The following GRID2 variants were observed in gnomAD, a reference collection of about 807,000 sequenced individuals.
GRID2 encodes glutamate receptor ionotropic, delta-2.
A neutral mutation model predicts 114.8 loss-of-function variants in GRID2; 33 were observed. That is an observed-to-expected ratio of 0.29 (90% CI 0.22 to 0.38). The LOEUF is 0.38. Ranked by LOEUF, GRID2 falls within the 10% of genes least tolerant of loss-of-function variation. The pLI, the probability that GRID2 is intolerant of heterozygous loss-of-function variation, is 1.00. For missense variants in GRID2, 1,184 were observed against 1,257.7 expected, an observed-to-expected ratio of 0.94 and a Z score of 0.89; for synonymous variants, 505 against 449.9, an observed-to-expected ratio of 1.12 and a Z score of -1.55.
At chr4:93,566,119 G>A (rs540924710) in intron 13 of GRID2, among the ~76,000 whole-genome samples, 2 of 152,186 alleles carry the variant, frequency 1.3e-5, no homozygotes, top group African/African-American at 2.4e-5. Context: ...TGGCACAAGC[G>A]AAGAACCCAA....
chr4:93,058,276 A>C (rs1727451376), intron 2 of GRID2, among the ~76,000 whole-genome samples: 1 of 152,018 alleles, frequency 6.6e-6, no homozygotes, highest in South Asian at 2.1e-4. Context: ...AATTTTTCTG[A>C]ATATTTGCTG....
chr4:92,305,811 T>C (rs561816748), intron 1 of GRID2, among the ~76,000 whole-genome samples: 40 of 152,328 alleles, frequency 2.6e-4, no homozygotes, highest in African/African-American at 9.1e-4. Context: ...CTTGCAGCCT[T>C]TTCTGCGTTA....
intron 12 of GRID2, among the ~76,000 whole-genome samples, chr4:93,505,072 A>G (rs1380243058): frequency 6.6e-6 from 1 of 152,052 alleles, no homozygotes; most frequent in Non-Finnish European, 1.5e-5. Context: ...TTTCCAAGTC[A>G]CTGAAGTATC....
At chr4:92,664,625 T>C (rs547727188) in intron 2 of GRID2, among the ~76,000 whole-genome samples, 2 of 151,206 alleles carry the variant, frequency 1.3e-5, no homozygotes, top group South Asian at 2.1e-4. Context: ...CTCTTCATTA[T>C]TAAGAATGAG....
intron 2 of GRID2, among the ~76,000 whole-genome samples, chr4:93,001,854 C>G (rs1721021339): frequency 1.3e-5 from 2 of 151,640 alleles, no homozygotes; most frequent in South Asian, 2.1e-4. Context: ...TAGTGAATGG[C>G]ATGTCTGTCT....
chr4:93,123,281 T>A (rs1733964429), intron 4 of GRID2, among the ~76,000 whole-genome samples: 1 of 152,180 alleles, frequency 6.6e-6, no homozygotes, highest in Admixed American at 6.5e-5. Flanking sequence ...CAATCATTTT[T>A]ATTCCATTCC....
rs568314154 is a variant in GRID2 at position 93,323,400 on chromosome 4, G to A, written c.1246-72207G>A. 2.5e-3 allele frequency among the ~76,000 whole-genome samples: 384 copies of A among 152,122 alleles called. 1 individual carries two copies. The highest frequency in any genetic ancestry group is 3.5e-3 in the Non-Finnish European group (236 of 67,994). On this transcript the variant is annotated intron_variant, in intron 8 of 15. Transcript: ENST00000282020. ...CTGAGGGCTCTGTTCTGTTCCATTG[G>A]TCTATATCTCTGTTTTGGTACCAGT... is the stretch of plus-strand genomic sequence containing the variant.
chr4:93,026,627 G>T (rs1474045218), intron 2 of GRID2, among the ~76,000 whole-genome samples: 1 of 151,638 alleles, frequency 6.6e-6, no homozygotes, highest in Non-Finnish European at 1.5e-5. Flanking sequence ...TAATAATTTG[G>T]AGTGCATTTG....
At chr4:92,429,651 T>C (rs1732339516) in intron 1 of GRID2, among the ~76,000 whole-genome samples, 1 of 152,176 alleles carries the variant, frequency 6.6e-6, no homozygotes, top group South Asian at 2.1e-4. Flanking sequence ...TAGTCTATTT[T>C]TAGTTTTATG....
intron 2 of GRID2, among the ~76,000 whole-genome samples, chr4:92,950,517 T>C (rs1464075653): frequency 6.6e-6 from 1 of 152,196 alleles, no homozygotes. Context: ...TATATCCCTT[T>C]ACTCCCCTGA....
chr4:92,786,857 A>T (rs1034082745), intron 2 of GRID2, among the ~76,000 whole-genome samples: 4 of 151,890 alleles, frequency 2.6e-5, no homozygotes, highest in Non-Finnish European at 4.4e-5. Context: ...TTTAACCGAA[A>T]GCTCAATTAA....
chr4:93,284,483 G>T (rs1209483608), intron 8 of GRID2, among the ~76,000 whole-genome samples: 1 of 151,546 alleles, frequency 6.6e-6, no homozygotes, highest in Non-Finnish European at 1.5e-5. Flanking sequence ...TAACAAACCT[G>T]CACATGTACC....
At chr4:93,142,948 A>G (rs1302765092) in intron 4 of GRID2, among the ~76,000 whole-genome samples, 1 of 152,194 alleles carries the variant, frequency 6.6e-6, no homozygotes, top group African/African-American at 2.4e-5. Context: ...TTGGTTTCAC[A>G]TATTTCCCAG....
intron 2 of GRID2, among the ~76,000 whole-genome samples, chr4:92,893,779 G>A (rs1746964861): frequency 6.6e-6 from 1 of 152,120 alleles, no homozygotes. Context: ...AATTATAGAA[G>A]TCAGAACTTG....
chr4:92,910,846 T>A (rs900066366), intron 2 of GRID2, among the ~76,000 whole-genome samples: 1 of 152,130 alleles, frequency 6.6e-6, no homozygotes, highest in African/African-American at 2.4e-5. Flanking sequence ...TGTCATAATG[T>A]ATTATTTAGG....
At chr4:93,298,590 C>T (rs959499695) in intron 8 of GRID2, among the ~76,000 whole-genome samples, 2 of 152,192 alleles carry the variant, frequency 1.3e-5, no homozygotes, top group African/African-American at 2.4e-5. Context: ...TTACATAACA[C>T]CCTCCATGTC....
intron 2 of GRID2, among the ~76,000 whole-genome samples, chr4:92,783,404 A>G (rs1298015481): frequency 1.3e-5 from 2 of 152,100 alleles, no homozygotes; most frequent in Non-Finnish European, 2.9e-5. Context: ...CTTACTAGAT[A>G]TTGCCTTTTA....
chr4:93,439,876 CTA>C (rs1235729400), intron 10 of GRID2, among the ~76,000 whole-genome samples: 1 of 152,014 alleles, frequency 6.6e-6, no homozygotes, highest in Admixed American at 6.6e-5. Context: ...AAAGTCGAGC[CTA>C]TCTCTCTATG....
At chr4:93,571,853 T>C (rs1735957413) in intron 13 of GRID2, among the ~76,000 whole-genome samples, 1 of 152,050 alleles carries the variant, frequency 6.6e-6, no homozygotes, top group Non-Finnish European at 1.5e-5. Context: ...AGAACCGAAG[T>C]TTCAGAAACA....
Sources: gnomAD v4.1 joint callset for allele counts (sites outside exome capture counted in the v4.1 genomes callset) on GRCh38, gnomAD v4.1.1 for gene constraint, MANE v1.5 for transcripts, NCBI Gene and HGNC (gene_info 2026-07-23, HGNC 2026-07-21) for gene names.